Variants in TRPM3 observed in about 807,000 individuals in gnomAD.
TRPM3 encodes transient receptor potential cation channel subfamily M member 3.
TRPM3 carries 77 observed loss-of-function variants against 181.2 expected under a neutral mutation model. The observed-to-expected ratio is 0.42, with a 90% CI of 0.35 to 0.51. TRPM3 has a LOEUF of 0.51. Ranked by LOEUF, TRPM3 falls within the 20% of genes least tolerant of loss-of-function variation. The pLI, the probability that TRPM3 is intolerant of heterozygous loss-of-function variation, is 0.01. For synonymous variants in TRPM3, 745 were observed against 796.4 expected (o/e 0.94, Z 1.09); for missense variants, 1,759 against 2,196.7 (o/e 0.80, Z 3.98).
chr9:70,582,154 C>T (rs944639826), intron 22 of TRPM3, among the ~76,000 whole-genome samples: 1 of 146,416 alleles, frequency 6.8e-6, no homozygotes, highest in African/African-American at 2.5e-5. Flanking sequence ...ACTTTCCTTT[C>T]TCACTCCTCC....
chr9:70,629,785 A>G (rs1268339780), intron 12 of TRPM3, among the ~76,000 whole-genome samples: 1 of 152,218 alleles, frequency 6.6e-6, no homozygotes, highest in Admixed American at 6.5e-5. Context: ...ATGTGTTTGC[A>G]TTCAGCCTGC....
intron 1 of TRPM3, among the ~76,000 whole-genome samples, chr9:71,426,179 C>T (rs542037486): frequency 1.3e-5 from 2 of 152,198 alleles, no homozygotes; most frequent in African/African-American, 4.8e-5. Flanking sequence ...CAATGCCTAA[C>T]ACATTATAGG....
chr9:71,302,964 A>T (rs978956226), intron 1 of TRPM3, among the ~76,000 whole-genome samples: 2 of 152,134 alleles, frequency 1.3e-5, no homozygotes, highest in African/African-American at 2.4e-5. Flanking sequence ...GTGAAAGCAG[A>T]TGTGTGCAGA....
intron 1 of TRPM3, among the ~76,000 whole-genome samples, chr9:71,193,362 A>C (rs865943043): frequency 3.3e-5 from 5 of 151,648 alleles, no homozygotes; most frequent in South Asian, 2.1e-4. Flanking sequence ...CCTGTTGTTC[A>C]TCCTCTTTTC....
At chr9:70,921,441 A>C (rs924027687) in intron 1 of TRPM3, among the ~76,000 whole-genome samples, 4 of 152,206 alleles carry the variant, frequency 2.6e-5, no homozygotes, top group Non-Finnish European at 5.9e-5. Context: ...GAAAGCTACA[A>C]ACTAGTGCTA....
At chr9:70,830,876 G>A (rs933004837) in intron 5 of TRPM3, among the ~76,000 whole-genome samples, 7 of 152,174 alleles carry the variant, frequency 4.6e-5, no homozygotes, top group African/African-American at 1.4e-4. Flanking sequence ...TTCCTTCTCC[G>A]GCTCTGCTCT....
rs116987502 is a variant in TRPM3 at position 71,382,984 on chromosome 9, C to A, written c.183+63669G>T. Among the ~76,000 whole-genome samples, 1,165 of 152,146 alleles carry A rather than the reference C, an allele frequency of 7.7e-3. 9 individuals carry two copies. The highest frequency in any genetic ancestry group is 0.012 in the Non-Finnish European group (821 of 67,988). On this transcript the variant is annotated intron_variant, in intron 1 of 24. Transcript: ENST00000357533. Reference sequence around the variant, plus strand: ...TATTCTTTAGCTTACTCTGTATAAGCCCAAAACAATATTGTATGCTCTAGG... The same window carrying A: ...TATTCTTTAGCTTACTCTGTATAAGACCAAAACAATATTGTATGCTCTAGG...
At position 70,819,415 on chromosome 9, in the gene TRPM3, ATCCAGCAATCCTT is replaced by A. The variant is rs1430024209; in HGVS notation, c.973+8419_973+8431del. On this transcript the variant is annotated intron_variant, in intron 6 of 25. Coordinates refer to ENST00000677713, the MANE Select transcript of TRPM3 (RefSeq NM_001366145.2). ...TACCAAATTTGATTATATTTTATGAATCCAGCAATCCTTTCTGCTACTTGTTTACTTAGAAATG... is the reference window on the plus strand; with the variant it reads ...TACCAAATTTGATTATATTTTATGAATCTGCTACTTGTTTACTTAGAAATG... Among the ~76,000 whole-genome samples, 11 of 152,358 alleles carry A rather than the reference ATCCAGCAATCCTT, an allele frequency of 7.2e-5. No individual in the cohort carries two copies. The East Asian group carries it at 1.9e-3, about 27-fold the overall frequency.
At chr9:71,187,983 T>C (rs1428933065) in intron 1 of TRPM3, among the ~76,000 whole-genome samples, 1 of 151,836 alleles carries the variant, frequency 6.6e-6, no homozygotes, top group Non-Finnish European at 1.5e-5. Flanking sequence ...TTAACCAGTA[T>C]TCAATTCTAT....
intron 1 of TRPM3, among the ~76,000 whole-genome samples, chr9:70,969,779 T>TATATATATATATATATATATAC (rs900528837): frequency 3.6e-4 from 51 of 139,828 alleles, no homozygotes; most frequent in African/African-American, 1.2e-3. Context: ...TATATATATA[T>TATATATATATATATATATATAC]ACACACACAC....
At chr9:71,184,049 T>G (rs373198936) in intron 1 of TRPM3, among the ~76,000 whole-genome samples, 1 of 152,158 alleles carries the variant, frequency 6.6e-6, no homozygotes, top group South Asian at 2.1e-4. Context: ...TCAAGCCCCA[T>G]CATCAGCTCA....
chr9:70,904,532 C>T (rs185367393), intron 1 of TRPM3, among the ~76,000 whole-genome samples: 4 of 152,024 alleles, frequency 2.6e-5, no homozygotes, highest in South Asian at 4.2e-4. Flanking sequence ...ACCTCAGAGG[C>T]GGATAAGTAG....
rs34805476 is a variant in TRPM3 at position 71,220,356 on chromosome 9, T to TTTATTATTA, written c.183+226288_183+226296dup. On this transcript the variant is annotated intron_variant, in intron 1 of 24. Transcript: ENST00000357533. ...TACTCTTTAATTTTGAAAAGTCTGA[T>TTTATTATTA]TTATTATTATTATTATTATTATTAT... Among the ~76,000 whole-genome samples the TTTATTATTA allele has an allele frequency of 8.0e-3, 1,171 of 145,926 alleles. 23 individuals carry two copies. The highest frequency in any genetic ancestry group is 0.027 in the African/African-American group (1,084 of 40,142).
chr9:71,147,424 GACACACACACACACACAC>G (rs34795244), intron 1 of TRPM3, among the ~76,000 whole-genome samples: 2 of 144,930 alleles, frequency 1.4e-5, no homozygotes, highest in Admixed American at 6.9e-5. Flanking sequence ...GCAACACACA[GACACACACACACACACAC>G]ACACACACAC....
Position 70,653,017 on chromosome 9 carries a change from T to A in TRPM3, c.1346-12357A>T, listed in dbSNP as rs531137282. Among the ~76,000 whole-genome samples, 101 of 152,076 alleles carry A rather than the reference T, an allele frequency of 6.6e-4. 1 individual carries two copies. The highest frequency in any genetic ancestry group is 1.2e-3 in the South Asian group (6 of 4,810). ...AGGACTTGTTAGGTCGATGAGGGCCTTGAATGTGCTTACAGCAGAAGGGGG... is the reference window on the plus strand; with the variant it reads ...AGGACTTGTTAGGTCGATGAGGGCCATGAATGTGCTTACAGCAGAAGGGGG... On this transcript the variant is annotated intron_variant, in intron 9 of 25. Coordinates refer to ENST00000677713, the MANE Select transcript of TRPM3 (RefSeq NM_001366145.2).
At chr9:71,168,533 G>T (rs2076650905) in intron 1 of TRPM3, among the ~76,000 whole-genome samples, 1 of 82,098 alleles carries the variant, frequency 1.2e-5, no homozygotes, top group African/African-American at 5.4e-5. Context: ...TTTTTAAGGT[G>T]TGATTTATTT....
intron 1 of TRPM3, among the ~76,000 whole-genome samples, chr9:71,250,397 T>C (rs1268812596): frequency 5.9e-5 from 9 of 152,186 alleles, no homozygotes; most frequent in Non-Finnish European, 5.9e-5. Context: ...TCTTCAAAAA[T>C]TATTTTTGGA....
intron 1 of TRPM3, among the ~76,000 whole-genome samples, chr9:70,893,752 T>C (rs991487105): frequency 2.0e-5 from 3 of 152,148 alleles, no homozygotes; most frequent in Non-Finnish European, 2.9e-5. Context: ...AATTAAACAT[T>C]GACACAGAGT....
chr9:71,444,286 C>G (rs1283282670), intron 1 of TRPM3, among the ~76,000 whole-genome samples: 3 of 151,140 alleles, frequency 2.0e-5, no homozygotes, highest in Admixed American at 6.6e-5. Flanking sequence ...AAGAATCCAA[C>G]TAAAGCAGAG....
Sources: gnomAD v4.1 joint callset for allele counts (sites outside exome capture counted in the v4.1 genomes callset) on GRCh38, gnomAD v4.1.1 for gene constraint, MANE v1.5 for transcripts, NCBI Gene and HGNC (gene_info 2026-07-23, HGNC 2026-07-21) for gene names.